KCNIP4: variants seen among roughly 807,000 people sequenced by gnomAD.
The protein encoded by KCNIP4 is potassium voltage-gated channel interacting protein 4, also known as Kv channel-interacting protein 4.
In KCNIP4, 12 loss-of-function variants were observed where a neutral mutation model predicts 34.0. The ratio of observed to expected loss-of-function variants is 0.35; its 90% CI spans 0.23 to 0.57. The LOEUF (loss-of-function observed/expected upper bound fraction) is 0.57, where lower values mean the gene tolerates loss of function less well. Among genes scored for constraint, KCNIP4 ranks in the 20% least tolerant of loss-of-function variants. The pLI, the probability that KCNIP4 is intolerant of heterozygous loss-of-function variation, is 0.83. For missense variants in KCNIP4, 238 were observed against 311.7 expected, an observed-to-expected ratio of 0.76 and a Z score of 1.78; for synonymous variants, 124 against 102.2, an observed-to-expected ratio of 1.21 and a Z score of -1.29.
intron 1 of KCNIP4, among the ~76,000 whole-genome samples, chr4:21,359,255 TCTC>T (rs1173593396): frequency 1.3e-5 from 2 of 151,972 alleles, no homozygotes; most frequent in Admixed American, 6.6e-5. Flanking sequence ...CTTCTCATCT[TCTC>T]CTGCCCTCTG....
intron 1 of KCNIP4, among the ~76,000 whole-genome samples, chr4:21,335,701 G>T (rs148090783): frequency 3.6e-4 from 55 of 152,204 alleles, no homozygotes; most frequent in African/African-American, 1.3e-3. Context: ...CACCTCACTG[G>T]ATTTACATTT....
intron 1 of KCNIP4, among the ~76,000 whole-genome samples, chr4:21,578,600 C>T (rs11942368): frequency 0.29 from 43,564 of 151,846 alleles, 6,792 homozygotes; most frequent in East Asian, 0.62. Flanking sequence ...GGATGAATGA[C>T]CAAGACTGCA....
intron 1 of KCNIP4, among the ~76,000 whole-genome samples, chr4:20,925,392 G>A (rs1313584255): frequency 6.6e-6 from 1 of 152,174 alleles, no homozygotes; most frequent in Non-Finnish European, 1.5e-5. Context: ...ACAGGTTGCA[G>A]TAAAGAAGCC....
intron 1 of KCNIP4, among the ~76,000 whole-genome samples, chr4:21,504,520 A>AAGG (rs1560467143): frequency 6.2e-5 from 9 of 144,562 alleles, no homozygotes; most frequent in East Asian, 2.2e-4. Flanking sequence ...AGGAAGGAAG[A>AAGG]AAGCAAGCAA....
At chr4:21,683,098 G>A (rs1233433862) in intron 1 of KCNIP4, among the ~76,000 whole-genome samples, 1 of 152,144 alleles carries the variant, frequency 6.6e-6, no homozygotes, top group East Asian at 1.9e-4. Flanking sequence ...AATACGATGA[G>A]GCATGCCTGT....
intron 1 of KCNIP4, among the ~76,000 whole-genome samples, chr4:21,131,025 T>C (rs768117257): frequency 1.2e-4 from 19 of 152,170 alleles, no homozygotes; most frequent in Non-Finnish European, 2.9e-5. Flanking sequence ...GGCCATAATC[T>C]AGTTGAAAAA....
intron 1 of KCNIP4, among the ~76,000 whole-genome samples, chr4:21,227,302 C>T (rs941340439): frequency 4.6e-5 from 7 of 152,148 alleles, no homozygotes; most frequent in South Asian, 2.1e-4. Flanking sequence ...CTCAGAATCT[C>T]GCAAACCAAA....
intron 1 of KCNIP4, among the ~76,000 whole-genome samples, chr4:21,104,605 C>A (rs1383957097): frequency 6.6e-6 from 1 of 152,052 alleles, no homozygotes; most frequent in South Asian, 2.1e-4. Context: ...TTAATTAGAT[C>A]CCATTTGTCA....
At chr4:21,126,617 C>CAAAAAAAAAAAA (rs71655615) in intron 1 of KCNIP4, among the ~76,000 whole-genome samples, 63 of 81,908 alleles carry the variant, frequency 7.7e-4, no homozygotes, top group African/African-American at 2.0e-3. Flanking sequence ...AGAGAAATAG[C>CAAAAAAAAAAAA]AAAAAAAAAA....
chr4:21,804,609 C>T (rs1315011684), intron 1 of KCNIP4, among the ~76,000 whole-genome samples: 1 of 152,118 alleles, frequency 6.6e-6, no homozygotes, highest in African/African-American at 2.4e-5. Flanking sequence ...ATTTCACCTG[C>T]TCAAATTAGA....
chr4:20,904,094 A>G (rs1331194759), intron 1 of KCNIP4, among the ~76,000 whole-genome samples: 2 of 152,060 alleles, frequency 1.3e-5, no homozygotes, highest in Admixed American at 6.6e-5. Context: ...CTTTAGCCTT[A>G]AGAGTAAAAA....
intron 1 of KCNIP4, among the ~76,000 whole-genome samples, chr4:21,599,352 T>A (rs1742911220): frequency 6.6e-6 from 1 of 152,064 alleles, no homozygotes; most frequent in Admixed American, 6.6e-5. Context: ...TTATAATAAT[T>A]ATGATTTACT....
chr4:20,759,852 G>T (rs1483602784), intron 3 of KCNIP4, among the ~76,000 whole-genome samples: 1 of 152,124 alleles, frequency 6.6e-6, no homozygotes, highest in Non-Finnish European at 1.5e-5. Context: ...ATTGAATCAT[G>T]TGAGATATTA....
intron 1 of KCNIP4, among the ~76,000 whole-genome samples, chr4:21,666,063 C>T (rs985728266): frequency 6.6e-6 from 1 of 152,236 alleles, no homozygotes; most frequent in Non-Finnish European, 1.5e-5. Context: ...AAGGATTTCT[C>T]TGTTGCTCCT....
chr4:21,212,541 C>T (rs558396577), intron 1 of KCNIP4, among the ~76,000 whole-genome samples: 31 of 152,276 alleles, frequency 2.0e-4, no homozygotes, highest in East Asian at 5.8e-4. Context: ...TGGATTGCTA[C>T]AATGAATATC....
At chr4:20,841,109 C>T (rs867937793) in intron 3 of KCNIP4, among the ~76,000 whole-genome samples, 2 of 152,118 alleles carry the variant, frequency 1.3e-5, no homozygotes, top group African/African-American at 4.8e-5. Context: ...TTCACTCCCC[C>T]TATTATTAGA....
intron 1 of KCNIP4, among the ~76,000 whole-genome samples, chr4:21,751,568 A>C (rs533175249): frequency 6.6e-6 from 1 of 152,280 alleles, no homozygotes; most frequent in Non-Finnish European, 1.5e-5. Flanking sequence ...AGGGTGCATA[A>C]GCTCTATTGT....
intron 1 of KCNIP4, among the ~76,000 whole-genome samples, chr4:21,481,334 C>G (rs957566134): frequency 6.6e-6 from 1 of 152,130 alleles, no homozygotes; most frequent in Non-Finnish European, 1.5e-5. Flanking sequence ...AACATGAGAA[C>G]TTTCAGAGGC....
chr4:20,900,824 C>G (rs928680561), intron 1 of KCNIP4, among the ~76,000 whole-genome samples: 1 of 152,010 alleles, frequency 6.6e-6, no homozygotes, highest in East Asian at 1.9e-4. Context: ...AAAAAACACC[C>G]AAGGATATAA....
Sources: allele counts gnomAD v4.1 joint callset (sites outside exome capture counted in the v4.1 genomes callset), GRCh38; gene constraint gnomAD v4.1.1; transcripts MANE v1.5; gene names NCBI Gene and HGNC (gene_info 2026-07-23, HGNC 2026-07-21).